UGT1A8: variants seen among roughly 807,000 people sequenced by gnomAD.
UGT1A8 encodes the protein UDP-glucuronosyltransferase 1A8.
In UGT1A8, 39 loss-of-function variants were observed where a neutral mutation model predicts 45.3. That is an observed-to-expected ratio of 0.86 (90% CI 0.67 to 1.12). The LOEUF (loss-of-function observed/expected upper bound fraction) is 1.12. Among genes scored for constraint, UGT1A8 ranks in the 50% most tolerant of loss-of-function variants. The pLI is 0.00. For missense variants in UGT1A8, 719 were observed against 664.9 expected, an observed-to-expected ratio of 1.08 and a Z score of -0.90; for synonymous variants, 275 against 249.2, an observed-to-expected ratio of 1.10 and a Z score of -0.97.
At position 233,672,895 on chromosome 2, in the gene UGT1A8, A is replaced by G. The variant is rs1228410943; in HGVS notation, c.855+54333A>G. Reference sequence around the variant, plus strand: ...GACATTTTCATTTGTTTCATTTCAAATTTCTTTCCAGTTTAACAAATTATT... The same window carrying G: ...GACATTTTCATTTGTTTCATTTCAAGTTTCTTTCCAGTTTAACAAATTATT... On this transcript the variant is annotated intron_variant, in intron 1 of 4. Transcript: ENST00000373450. 3 of 1,511,686 alleles carry G rather than the reference A, an allele frequency of 2.0e-6. No individual in the cohort carries two copies. In the East Asian group the frequency reaches 6.8e-5, roughly 34 times the overall value. The allele number at this position is 1,511,686 out of a possible 1,614,324, so 93.6% of individuals were successfully genotyped here.
chr2:233,688,861 G>A (rs1162676732), intron 1 of UGT1A8, among the ~76,000 whole-genome samples: 1 of 152,134 alleles, frequency 6.6e-6, no homozygotes, highest in Non-Finnish European at 1.5e-5. Flanking sequence ...ATCATAGGGG[G>A]CCTTGCAGGA....
chr2:233,692,763 G>GAGAAACACCC, intron 1 of UGT1A8: 1 of 1,239,150 alleles, frequency 8.1e-7, no homozygotes, highest in Non-Finnish European at 1.0e-6. Context: ...TGGAGCTGAA[G>GAGAAACACCC]AGAAACACCC....
At chr2:233,724,520 T>A (rs200973045) in intron 1 of UGT1A8, among the ~76,000 whole-genome samples, 1 of 103,540 alleles carries the variant, frequency 9.7e-6, no homozygotes, top group African/African-American at 4.1e-5. Flanking sequence ...ACCTCCCAGA[T>A]GGGGTCTCGC....
At chr2:233,749,415 A>G (rs1694185994) in intron 1 of UGT1A8, among the ~76,000 whole-genome samples, 1 of 151,912 alleles carries the variant, frequency 6.6e-6, no homozygotes, top group Non-Finnish European at 1.5e-5. Context: ...TGTTAACTAC[A>G]TTGCTCAAAA....
chr2:233,676,876 G>C (rs182467712), intron 1 of UGT1A8, among the ~76,000 whole-genome samples: 140 of 152,184 alleles, frequency 9.2e-4, no homozygotes, highest in African/African-American at 3.1e-3. Flanking sequence ...GTAAAAACTT[G>C]GTTGTTCATA....
intron 1 of UGT1A8, among the ~76,000 whole-genome samples, chr2:233,659,899 TC>T (rs2073932186): frequency 6.6e-6 from 1 of 152,232 alleles, no homozygotes; most frequent in Non-Finnish European, 1.5e-5. Flanking sequence ...TGTATCTTCT[TC>T]CTCATTGTCT....
intron 1 of UGT1A8, chr2:233,672,914 A>G: frequency 6.7e-7 from 1 of 1,501,600 alleles, no homozygotes; most frequent in East Asian, 2.3e-5. Flanking sequence ...CAGTTTAACA[A>G]ATTATTTTGT....
intron 1 of UGT1A8, among the ~76,000 whole-genome samples, chr2:233,655,312 A>G (rs1445452025): frequency 1.3e-5 from 2 of 152,130 alleles, no homozygotes; most frequent in Non-Finnish European, 2.9e-5. Context: ...GTGACAACCC[A>G]TGCAGGTTTG....
rs78297396 is a variant in UGT1A8, at chr2:233,715,433, T to C, written c.856-51601T>C. 9.7e-3 allele frequency among the ~76,000 whole-genome samples: 1,478 copies of C among 152,296 alleles called. 34 individuals carry two copies. Among genetic ancestry groups the C allele is most frequent in the African/African-American group, 0.033 (1,382 of 41,550 alleles). The stretch of plus-strand genomic sequence containing the variant: ...AATACATTTTATCTGATATCAGTAA[T>C]GTGACTCCTATGTTATTTTTTGAAT... On this transcript the variant is annotated intron_variant, in intron 1 of 4. Coordinates refer to ENST00000373450, the MANE Select transcript of UGT1A8 (RefSeq NM_019076.5).
intron 1 of UGT1A8, among the ~76,000 whole-genome samples, chr2:233,662,147 A>T (rs1370774779): frequency 6.6e-6 from 1 of 152,192 alleles, no homozygotes; most frequent in East Asian, 1.9e-4. Context: ...TCTTGACTAC[A>T]AATGGTGTCA....
At chr2:233,638,516 A>T (rs1207535053) in intron 1 of UGT1A8, among the ~76,000 whole-genome samples, 3 of 152,164 alleles carry the variant, frequency 2.0e-5, no homozygotes, top group Non-Finnish European at 4.4e-5. Context: ...CCAAAATATT[A>T]TTGAGTAATA....
At chr2:233,677,490 A>G (rs1322964042) in intron 1 of UGT1A8, among the ~76,000 whole-genome samples, 1 of 152,198 alleles carries the variant, frequency 6.6e-6, no homozygotes, top group Non-Finnish European at 1.5e-5. Flanking sequence ...CATAGTTTGT[A>G]TGTTATTAGT....
chr2:233,634,308 A>G (rs1379489691), intron 1 of UGT1A8, among the ~76,000 whole-genome samples: 3 of 152,092 alleles, frequency 2.0e-5, no homozygotes, highest in Non-Finnish European at 4.4e-5. Flanking sequence ...GGAGAGTTCT[A>G]TACATGTGTA....
At chr2:233,718,930 A>T in intron 1 of UGT1A8, 3 of 1,614,066 alleles carry the variant, frequency 1.9e-6, no homozygotes, top group African/African-American at 1.3e-5. Context: ...GTGCCCACTG[A>T]TGGCAGCCCC....
chr2:233,691,854 T>C (rs1363953364), intron 1 of UGT1A8: 1 of 158,488 alleles, frequency 6.3e-6, no homozygotes, highest in East Asian at 1.9e-4. Flanking sequence ...TATATTGTGA[T>C]GTATAATAAG....
chr2:233,628,247 TG>T (rs1165279882), intron 1 of UGT1A8, among the ~76,000 whole-genome samples: 1 of 152,148 alleles, frequency 6.6e-6, no homozygotes, highest in African/African-American at 2.4e-5. Flanking sequence ...ACATGGTATC[TG>T]CACATGGTTT....
chr2:233,661,116 GAATTACTCTTTGACA>G (rs199786036), intron 1 of UGT1A8, among the ~76,000 whole-genome samples: 1,956 of 152,008 alleles, frequency 0.013, 35 homozygotes, highest in South Asian at 0.035. Context: ...TCATGATACA[GAATTACTCTTTGACA>G]AATTATCTAT....
rs926387515 is a variant in UGT1A8 at position 233,772,265 on chromosome 2, C to T, written c.1299C>T (p.Tyr433=). ...ACGAAACTGTCTTTGTGTTTAGTTA[C>T]AAGGAGAACATCATGCGCCTCTCCA... ...ALKAVINDKS[Y]KENIMRLSSL... The change falls in exon 5 of 5, where the codon TAC becomes TAT. Residue 433 remains tyrosine, a synonymous_variant. Coordinates refer to ENST00000373450, the MANE Select transcript of UGT1A8 (RefSeq NM_019076.5). 4 of 1,614,232 alleles carry T rather than the reference C, an allele frequency of 2.5e-6. No homozygotes were observed. The Admixed American group carries it at 6.7e-5, about 27-fold the overall frequency.
chr2:233,760,962 G>C, intron 1 of UGT1A8: 1 of 1,614,152 alleles, frequency 6.2e-7, no homozygotes, highest in Non-Finnish European at 8.5e-7. Flanking sequence ...TGTGCGACGT[G>C]GTTTATTCCC....
Sources: allele counts gnomAD v4.1 joint callset (sites outside exome capture counted in the v4.1 genomes callset), GRCh38; gene constraint gnomAD v4.1.1; transcripts MANE v1.5; gene names NCBI Gene and HGNC (gene_info 2026-07-23, HGNC 2026-07-21).